MCEE: variants seen among roughly 807,000 people sequenced by gnomAD.
MCEE encodes methylmalonyl-CoA epimerase.
MCEE carries 6 observed loss-of-function variants against 12.9 expected under a neutral mutation model. The observed-to-expected ratio is 0.47, with a 90% confidence interval of 0.26 to 0.92. The LOEUF (loss-of-function observed/expected upper bound fraction) is 0.92. MCEE is among the 40% of genes least tolerant of loss of function. The probability of loss-of-function intolerance (pLI) is 0.16; values close to 1 mark genes in which losing one functional copy is unlikely to be tolerated. For missense variants in MCEE, 214 were observed against 212.1 expected, an observed-to-expected ratio of 1.01 and a Z score of -0.05; for synonymous variants, 78 against 77.9, an observed-to-expected ratio of 1.00 and a Z score of -0.01.
chr2:71,126,677 A>G (rs1673240577), intron 1 of MCEE, among the ~76,000 whole-genome samples: 2 of 152,090 alleles, frequency 1.3e-5, no homozygotes, highest in South Asian at 4.1e-4. Flanking sequence ...TTAAAAAGAG[A>G]CAGAGCTTTA....
Position 71,130,210 on chromosome 2 carries a change from C to A in MCEE, c.10G>T (p.Val4Leu), listed in dbSNP as rs202194538. 2.1e-5 allele frequency: 34 copies of A among 1,607,924 alleles called. No individual in the cohort carries two copies. In the African/African-American group the frequency reaches 4.3e-4, roughly 20 times the overall value. Residue 4 changes from valine to leucine, a missense_variant, in exon 1 of 3, where the codon GTG (valine) becomes TTG (leucine). Val to Leu is a conservative substitution (Grantham distance 32). Transcript: ENST00000244217. ...GCATTCGCGGCTGCAGCCTTCAGCACCCGCGCCATTTTGGAAAGCAACCCG... is the reference window on the plus strand; with the variant it reads ...GCATTCGCGGCTGCAGCCTTCAGCAACCGCGCCATTTTGGAAAGCAACCCG... MARVLKAAAANAVG... is the reference protein window; with the variant it reads MARLLKAAAANAVG...
intron 1 of MCEE, 123 bp from the exon 2 acceptor site, chr2:71,124,666 A>T (rs1673181417): frequency 1.3e-6 from 1 of 777,990 alleles, no homozygotes; most frequent in Non-Finnish European, 2.1e-6. Flanking sequence ...GTTCTTTTTA[A>T]TTATTGAAAT....
At chr2:71,110,258 A>G (rs1406863915) in intron 2 of MCEE, 136 bp from the exon 3 acceptor site, 2 of 746,806 alleles carry the variant, frequency 2.7e-6, no homozygotes, top group Non-Finnish European at 4.4e-6. Context: ...TTCTTAAATC[A>G]TCATAAAAAA....
intron 2 of MCEE, among the ~76,000 whole-genome samples, chr2:71,119,917 T>A (rs1158607776): frequency 6.7e-6 from 1 of 148,594 alleles, no homozygotes; most frequent in African/African-American, 2.6e-5. Flanking sequence ...CTGGGCATGA[T>A]GGTGTGCTGC....
chr2:71,111,938 CTTGT>C (rs1206138939), intron 2 of MCEE, among the ~76,000 whole-genome samples: 11 of 152,088 alleles, frequency 7.2e-5, no homozygotes. Context: ...GTCTAGGTTG[CTTGT>C]TTGTTTCAGG....
chr2:71,117,514 G>A (rs1449433301), intron 2 of MCEE: 1 of 150,338 alleles, frequency 6.7e-6, no homozygotes, highest in Non-Finnish European at 1.5e-5. Flanking sequence ...TAGGAAATGA[G>A]TTACCTCACT....
rs539302305 is a variant in MCEE at position 71,109,908 on chromosome 2, C to T, written c.*62G>A. 1 of 1,543,056 alleles carries T rather than the reference C, an allele frequency of 6.5e-7. No individual in the cohort carries two copies. Among genetic ancestry groups the T allele is most frequent in the Admixed American group, 1.7e-5 (1 of 59,546 alleles). ...CAGTGAAGGACTCAATGTCATAGTA[C>T]ATTTTGATAGTATTTGATAGGCTTT... On this transcript the variant is annotated 3_prime_UTR_variant, in exon 3 of 3. Coordinates refer to ENST00000244217, the MANE Select transcript of MCEE (RefSeq NM_032601.4).
intron 1 of MCEE, chr2:71,129,894 G>A (rs1337984697): frequency 9.0e-6 from 5 of 555,714 alleles, no homozygotes; most frequent in African/African-American, 1.9e-5. Context: ...CTGACCTGCC[G>A]GGCAAGTTCC....
At chr2:71,124,640 C>T in intron 1 of MCEE, 97 bp from the exon 2 acceptor site, 1 of 908,984 alleles carries the variant, frequency 1.1e-6, no homozygotes, top group Middle Eastern at 2.2e-4. Context: ...TGCAAAAATT[C>T]ATTATTTATA....
At chr2:71,126,103 G>A (rs1427489013) in intron 1 of MCEE, among the ~76,000 whole-genome samples, 2 of 152,136 alleles carry the variant, frequency 1.3e-5, no homozygotes, top group Non-Finnish European at 2.9e-5. Context: ...TCCGACCTTG[G>A]CTTCCCAAAG....
chr2:71,120,614 C>A (rs1282830061), intron 2 of MCEE, among the ~76,000 whole-genome samples: 1 of 150,322 alleles, frequency 6.7e-6, no homozygotes, highest in Non-Finnish European at 1.5e-5. Flanking sequence ...TCAACAAAAA[C>A]CATGGAGCAT....
chr2:71,115,408 A>AGGGTGAGAGACGGAGT (rs1558744003), intron 2 of MCEE, among the ~76,000 whole-genome samples: 23 of 151,104 alleles, frequency 1.5e-4, no homozygotes, highest in African/African-American at 5.2e-4. Context: ...TGTCTAAATG[A>AGGGTGAGAGACGGAGT]CATTGCACTA....
chr2:71,112,679 G>A (rs968485185), intron 2 of MCEE, among the ~76,000 whole-genome samples: 4 of 152,076 alleles, frequency 2.6e-5, no homozygotes, highest in African/African-American at 9.7e-5. Flanking sequence ...CAAGTGATCT[G>A]CCCGACTTGG....
chr2:71,112,365 G>C (rs1258589399), intron 2 of MCEE, among the ~76,000 whole-genome samples: 1 of 148,968 alleles, frequency 6.7e-6, no homozygotes, highest in Non-Finnish European at 1.5e-5. Flanking sequence ...TCGATCTCTT[G>C]ACCTTGTGAT....
rs759207787 is a variant in MCEE, at chr2:71,124,585, T to C, written c.41-42A>G. 37 of 1,444,204 alleles carry C rather than the reference T, an allele frequency of 2.6e-5. No individual in the cohort carries two copies. The African/African-American group carries it at 5.0e-4, about 20-fold the overall frequency. The allele number at this position is 1,444,204 out of a possible 1,614,324, so 89.5% of individuals were successfully genotyped here. On this transcript the variant is annotated intron_variant, in intron 1 of 2. Transcript: ENST00000244217. ...CCATTGATATCCTTCTTTTGAGAAT[T>C]AACGCACTTCTAAATTGAATTTTAA...
At chr2:71,117,236 A>C (rs983230704) in intron 2 of MCEE, among the ~76,000 whole-genome samples, 7 of 150,494 alleles carry the variant, frequency 4.7e-5, no homozygotes, top group Non-Finnish European at 8.8e-5. Flanking sequence ...ACACTGTCTC[A>C]CTTTACATAG....
At chr2:71,111,705 C>T (rs536466130) in intron 2 of MCEE, among the ~76,000 whole-genome samples, 1 of 152,298 alleles carries the variant, frequency 6.6e-6, no homozygotes, top group Non-Finnish European at 1.5e-5. Flanking sequence ...GCTGTGAACT[C>T]TAGCACCATG....
intron 2 of MCEE, among the ~76,000 whole-genome samples, chr2:71,123,449 C>A (rs1327547855): frequency 1.3e-5 from 2 of 150,798 alleles, no homozygotes; most frequent in Admixed American, 6.6e-5. Context: ...CGAGATCACG[C>A]CACACTGCAC....
intron 2 of MCEE, among the ~76,000 whole-genome samples, chr2:71,121,458 G>C (rs1020634055): frequency 6.6e-6 from 1 of 152,174 alleles, no homozygotes; most frequent in South Asian, 2.1e-4. Flanking sequence ...GGCAGAGAAT[G>C]ATGATGGGGG....
Sources: allele counts gnomAD v4.1 joint callset (sites outside exome capture counted in the v4.1 genomes callset), GRCh38; gene constraint gnomAD v4.1.1; transcripts MANE v1.5; gene names NCBI Gene and HGNC (gene_info 2026-07-23, HGNC 2026-07-21).